ITGA2B: variants seen among roughly 807,000 people sequenced by gnomAD.
ITGA2B encodes the protein integrin subunit alpha 2b, also known as integrin alpha-IIb.
ITGA2B carries 91 observed loss-of-function variants against 142.0 expected under a neutral mutation model. The ratio of observed to expected loss-of-function variants is 0.64; its 90% CI spans 0.54 to 0.76. ITGA2B has a LOEUF of 0.76. ITGA2B is among the 30% of genes least tolerant of loss of function. ITGA2B has a pLI of 0.00. For synonymous variants in ITGA2B, 536 were observed against 567.2 expected (o/e 0.94, Z 0.78); for missense variants, 1,231 against 1,350.8 (o/e 0.91, Z 1.39).
At chr17:44,376,251 C>T (rs1028759287) in intron 23 of ITGA2B, 57 bp downstream of exon 23, 2 of 1,613,172 alleles carry the variant, frequency 1.2e-6, no homozygotes, top group African/African-American at 1.3e-5. Context: ...TTCCCCAGCG[C>T]CCCCTGGAGT....
chr17:44,383,640 C>T lies in ITGA2B; in HGVS notation c.1063G>A (p.Glu355Lys), dbSNP rs137852910. 1.2e-5 allele frequency: 19 copies of T among 1,602,146 alleles called. No individual in the cohort carries two copies. The highest frequency in any genetic ancestry group is 4.5e-5 in the East Asian group (2 of 44,464). Residue 355 changes from glutamate to lysine, a missense_variant, in exon 12 of 30, where the codon GAA becomes AAA. By Grantham distance (56) the Glu-to-Lys change is moderately conservative. Coordinates refer to ENST00000262407, the MANE Select transcript of ITGA2B (RefSeq NM_000419.5). ...MESRADRKLAEVGRVYLFLQP... is the reference protein window; with the variant it reads ...MESRADRKLAKVGRVYLFLQP... The stretch of plus-strand genomic sequence containing the variant: ...AGGAACAAATACACACGCCCCACTT[C>T]GGCCAGTTTTCGGTCTGCCCGGCTC...
Position 44,389,593 on chromosome 17 carries a change from G to C in ITGA2B, c.-120C>G. ...AACCCCAAGTAACTTGCTGAGCAAC[G>C]GGCAGAGCAAAGGGCTATAGCCCCT... is the stretch of plus-strand genomic sequence containing the variant. On this transcript the variant is annotated 5_prime_UTR_variant, in exon 1 of 30. Coordinates refer to ENST00000262407, the MANE Select transcript of ITGA2B (RefSeq NM_000419.5). The C allele has an allele frequency of 8.6e-7, 1 of 1,161,564 alleles. No individual in the cohort carries two copies. The highest frequency in any genetic ancestry group is 1.2e-6 in the Non-Finnish European group (1 of 808,350). 72.0% of individuals were successfully genotyped at this position (1,161,564 alleles called of 1,614,324 possible). A position where few individuals can be genotyped will look rare whatever the true frequency, so the allele number is the denominator to read the frequency against.
chr17:44,387,277 C>T (rs1371096325), intron 1 of ITGA2B, among the ~76,000 whole-genome samples: 2 of 151,590 alleles, frequency 1.3e-5, no homozygotes, highest in African/African-American at 2.4e-5. Flanking sequence ...AATCCCAGTA[C>T]TTTGGGAGGC....
In ITGA2B at chr17:44,385,570, A is replaced by C. The variant is rs2048639927; in HGVS notation, c.555T>G (p.Ile185Met). ...GCTTACTAAAATCATTTTCCACGTA[A>C]ATGCGGCTCAGGGTGTTCCCGCGAC... is the stretch of plus-strand genomic sequence containing the variant. ...SPCRGNTLSR[I>M]YVENDFSWDK... The change falls in exon 4 of 30, where the codon ATT becomes ATG. Residue 185 changes from isoleucine (I) to methionine (M), a missense_variant. Ile to Met is a conservative substitution (Grantham distance 10). This residue lies in a region of ITGA2B where 318 missense variants were observed against 312.2 expected (regional missense o/e 1.02). Transcript: ENST00000262407. The C allele has an allele frequency of 6.3e-7, 1 of 1,598,268 alleles. No individual in the cohort carries two copies. Among genetic ancestry groups the C allele is most frequent in the Non-Finnish European group, 8.5e-7 (1 of 1,174,778 alleles).
chr17:44,373,502 A>G (rs1223993917), intron 29 of ITGA2B, among the ~76,000 whole-genome samples: 1 of 152,134 alleles, frequency 6.6e-6, no homozygotes, highest in Non-Finnish European at 1.5e-5. Flanking sequence ...GTATTTGATT[A>G]TTGTGGGTCT....
intron 4 of ITGA2B, 94 bp from the exon 5 acceptor site, chr17:44,385,429 T>G (rs1371524361): frequency 1.6e-5 from 24 of 1,513,496 alleles, no homozygotes; most frequent in Non-Finnish European, 2.0e-5. Flanking sequence ...GGGCCTTGAG[T>G]CGGCGGGGCC....
rs1203710676 is a variant in ITGA2B at position 44,389,349 on chromosome 17, TAGA to T, written c.122_124del (p.Phe41del). On this transcript the variant is annotated inframe_deletion, in exon 1 of 30. Coordinates refer to ENST00000262407, the MANE Select transcript of ITGA2B (RefSeq NM_000419.5). ...AAACTGGCTGCCATTGGGGCCTGCATAGAAGGTGAGCTGCACTGGGTCCAGGTT... is the reference window on the plus strand; with the variant it reads ...AAACTGGCTGCCATTGGGGCCTGCATAGGTGAGCTGCACTGGGTCCAGGTT... 6.2e-7 allele frequency: 1 copy of T among 1,614,038 alleles called. No homozygotes were observed. The highest frequency in any genetic ancestry group is 8.5e-7 in the Non-Finnish European group (1 of 1,180,022).
chr17:44,378,800 T>G, intron 18 of ITGA2B, 90 bp from the exon 19 acceptor site: 1 of 1,162,958 alleles, frequency 8.6e-7, no homozygotes, highest in Middle Eastern at 1.9e-4. Context: ...GGGCTTGGGG[T>G]TCACATAGGG....
rs148780348 is a variant in ITGA2B at position 44,376,149 on chromosome 17, T to G, written c.2384A>C (p.Glu795Ala). The G allele has an allele frequency of 2.0e-5, 33 of 1,614,166 alleles. No homozygotes were observed. Among genetic ancestry groups the G allele is most frequent in the African/African-American group, 6.7e-5 (5 of 75,040 alleles). The change falls in exon 24 of 30, where the codon GAA (glutamate) becomes GCA (alanine). Residue 795 changes from glutamate (E) to alanine (A), a missense_variant. Glu to Ala is a moderately radical substitution (Grantham distance 107, BLOSUM62 -1). Coordinates refer to ENST00000262407, the MANE Select transcript of ITGA2B (RefSeq NM_000419.5). Reference sequence around the variant, plus strand: ...GCTGTTCTGCTCCCTCTCACCTTCTTCTGCTGCCACCACCAGGGAGGCTGG... The same window carrying G: ...GCTGTTCTGCTCCCTCTCACCTTCTGCTGCTGCCACCACCAGGGAGGCTGG... Reference protein sequence around the residue: ...SFPASLVVAAEEGEREQNSLD... With the variant: ...SFPASLVVAAAEGEREQNSLD...
rs763330792 is a variant in ITGA2B at position 44,375,719 on chromosome 17, G to T, written c.2602-3C>A. 5.1e-6 allele frequency: 8 copies of T among 1,572,764 alleles called. No homozygotes were observed. The highest frequency in any genetic ancestry group is 1.9e-5 in the Admixed American group (1 of 52,598). On this transcript the variant is annotated splice_region_variant and splice_polypyrimidine_tract_variant and intron_variant, in intron 25 of 29. Transcript: ENST00000262407. ...GGGATGGGCAGCCCCCAGTCCACCT[G>T]GGGGGGCAAAGGAGTGGTCAGGCCC...
chr17:44,387,245 G>A (rs188607948), intron 1 of ITGA2B, among the ~76,000 whole-genome samples: 95 of 152,294 alleles, frequency 6.2e-4, no homozygotes, highest in African/African-American at 2.2e-3. Context: ...AGAGTTGGCC[G>A]GGTGTGGTGG....
At chr17:44,378,976 C>T (rs1299125297) in intron 18 of ITGA2B, among the ~76,000 whole-genome samples, 6 of 152,070 alleles carry the variant, frequency 3.9e-5, no homozygotes, top group Admixed American at 6.6e-5. Flanking sequence ...GACGGAGTCT[C>T]GCTCTGTCGT....
intron 4 of ITGA2B, 102 bp downstream of exon 4, chr17:44,385,449 G>A (rs1240627606): frequency 3.9e-6 from 6 of 1,524,968 alleles, no homozygotes; most frequent in Admixed American, 2.0e-5. Context: ...CCTGGGGCGA[G>A]GCCAGATCCA....
At position 44,379,753 on chromosome 17, in the gene ITGA2B, G is replaced by A. The variant is rs141778911; in HGVS notation, c.1814C>T (p.Pro605Leu). 1.7e-5 allele frequency: 27 copies of A among 1,613,926 alleles called. 1 individual carries two copies. The highest frequency in any genetic ancestry group is 5.5e-5 in the South Asian group (5 of 91,086). Residue 605 changes from proline (P) to leucine (L), a missense_variant, in exon 18 of 30, where the codon CCG (proline) becomes CTG (leucine). Physicochemically the swap from Pro to Leu is moderately conservative, Grantham distance 98 (BLOSUM62 -3). Around this residue, in one of 3 missense-constraint regions of ITGA2B, gnomAD observed 908 missense variants for 1,021.1 expected, o/e 0.89. Coordinates refer to ENST00000262407, the MANE Select transcript of ITGA2B (RefSeq NM_000419.5). ...PIVLSLNVSL[P>L]PTEAGMAPAV... Reference sequence around the variant, plus strand: ...AGGGGCCATTCCAGCCTCCGTGGGCGGTAGGGACACATTGAGGCTGAGCAC... The same window carrying A: ...AGGGGCCATTCCAGCCTCCGTGGGCAGTAGGGACACATTGAGGCTGAGCAC...
chr17:44,381,125 C>T, intron 12 of ITGA2B, 64 bp from the exon 13 acceptor site: 1 of 1,492,566 alleles, frequency 6.7e-7, no homozygotes, highest in Non-Finnish European at 9.1e-7. Context: ...GACTGTAAAA[C>T]TTTCCTGAGC....
chr17:44,377,108 A>G lies in ITGA2B; in HGVS notation c.2188-20T>C. 2 of 1,551,092 alleles carry G rather than the reference A, an allele frequency of 1.3e-6. No individual in the cohort carries two copies. Among genetic ancestry groups the G allele is most frequent in the Non-Finnish European group, 1.7e-6 (2 of 1,144,652 alleles). ...TCCTATCTGGGAGATGAGGAGGGCC[A>G]AGGTCACTGCCCAAGTGCCCCACTT... On this transcript the variant is annotated intron_variant, in intron 21 of 29. Coordinates refer to ENST00000262407, the MANE Select transcript of ITGA2B (RefSeq NM_000419.5).
At chr17:44,388,816 CT>C (rs2048673016) in intron 1 of ITGA2B, among the ~76,000 whole-genome samples, 1 of 126,028 alleles carries the variant, frequency 7.9e-6, no homozygotes, top group Non-Finnish European at 1.7e-5. Context: ...TGTGCCTGGT[CT>C]CTTTTTTTTT....
intron 29 of ITGA2B, among the ~76,000 whole-genome samples, chr17:44,373,668 G>A (rs2048515081): frequency 6.6e-6 from 1 of 152,172 alleles, no homozygotes; most frequent in Non-Finnish European, 1.5e-5. Flanking sequence ...CAAGGGGAAG[G>A]GCAGGGCTAG....
In ITGA2B at chr17:44,379,747, G is replaced by A. The variant is rs539187844; in HGVS notation, c.1820C>T (p.Thr607Met). Residue 607 changes from threonine (T) to methionine (M), a missense_variant, in exon 18 of 30, where the codon ACG becomes ATG. Physicochemically the swap from Thr to Met is moderately conservative, Grantham distance 81. This residue lies in a region of ITGA2B where 908 missense variants were observed against 1,021.1 expected (regional missense o/e 0.89). Transcript: ENST00000262407. ...VLSLNVSLPP[T>M]EAGMAPAVVL... ...GACAGCAGGGGCCATTCCAGCCTCCGTGGGCGGTAGGGACACATTGAGGCT... is the reference window on the plus strand; with the variant it reads ...GACAGCAGGGGCCATTCCAGCCTCCATGGGCGGTAGGGACACATTGAGGCT... 1.1e-5 allele frequency: 18 copies of A among 1,613,952 alleles called. No homozygotes were observed. The African/African-American group carries it at 1.5e-4, about 13-fold the overall frequency.
Sources: gnomAD v4.1 joint callset for allele counts (sites outside exome capture counted in the v4.1 genomes callset) on GRCh38, gnomAD v4.1.1 for gene constraint, gnomAD v4.1.1 regional missense constraint, MANE v1.5 for transcripts, NCBI Gene and HGNC (gene_info 2026-07-23, HGNC 2026-07-21) for gene names.